Variants in SLF1 observed in about 807,000 individuals in gnomAD.
SLF1 encodes SMC5-SMC6 complex localization factor protein 1.
SLF1 carries 105 observed loss-of-function variants against 123.0 expected under a neutral mutation model. The ratio of observed to expected loss-of-function variants is 0.85; its 90% CI spans 0.73 to 1.00. The LOEUF (loss-of-function observed/expected upper bound fraction) is 1.00. Among genes scored for constraint, SLF1 ranks in the 50% least tolerant of loss-of-function variants. The pLI, the probability that SLF1 is intolerant of heterozygous loss-of-function variation, is 0.00. For missense variants in SLF1, 1,239 were observed against 1,223.0 expected (o/e 1.01, Z -0.20); for synonymous variants, 434 against 406.6 (o/e 1.07, Z -0.81).
Position 94,694,936 on chromosome 5 carries a change from A to T in SLF1, c.2801A>T (p.Asp934Val), listed in dbSNP as rs746253885. ...CTGTTTGCTATTACAAAAATAGAAG[A>T]TACAGTGGAGAACTTTCATGCACAA... ...EELFAITKIE[D>V]TVENFHAQAE... is the part of the protein sequence containing the mutation. The change falls in exon 21 of 21, where the codon GAT becomes GTT. Residue 934 changes from aspartate to valine, a missense_variant. By Grantham distance (152) the Asp-to-Val change is radical. Transcript: ENST00000265140. The T allele has an allele frequency of 6.3e-5, 102 of 1,612,378 alleles. No individual in the cohort carries two copies. Among genetic ancestry groups the T allele is most frequent in the Non-Finnish European group, 8.2e-5 (97 of 1,179,106 alleles).
chr5:94,688,326 T>G (rs1352977035), intron 16 of SLF1, among the ~76,000 whole-genome samples, 180 bp from the exon 17 acceptor site: 1 of 152,168 alleles, frequency 6.6e-6, no homozygotes, highest in Non-Finnish European at 1.5e-5. Flanking sequence ...TCACATGGTA[T>G]TGACTTTGAC....
chr5:94,625,023 A>G (rs1792103852), intron 1 of SLF1, among the ~76,000 whole-genome samples: 1 of 151,034 alleles, frequency 6.6e-6, no homozygotes, highest in Admixed American at 6.6e-5. Flanking sequence ...CATTTCTACT[A>G]AAAAGACAAA....
In SLF1 at chr5:94,654,717, A is replaced by T; in HGVS notation, c.1120A>T (p.Lys374Ter). Residue 374 changes from lysine to a stop codon, truncating the protein, a stop_gained, in exon 9 of 21, where the codon AAA becomes TAA. Coordinates refer to ENST00000265140, the MANE Select transcript of SLF1 (RefSeq NM_032290.4). LOFTEE classifies it high-confidence loss of function. ...GACAGATGTGGATGTTGTTGAAATAAAAAATACCTTAAGGAAGCACATATA... is the reference window on the plus strand; with the variant it reads ...GACAGATGTGGATGTTGTTGAAATATAAAATACCTTAAGGAAGCACATATA... ...IKTDVDVVEI[K>*]NTLRKHIYRA... 1 of 1,543,082 alleles carries T rather than the reference A, an allele frequency of 6.5e-7. No homozygotes were observed. The highest frequency in any genetic ancestry group is 8.8e-7 in the Non-Finnish European group (1 of 1,142,640).
intron 6 of SLF1, among the ~76,000 whole-genome samples, chr5:94,650,077 G>A (rs1422311018): frequency 1.3e-5 from 2 of 152,142 alleles, no homozygotes; most frequent in Non-Finnish European, 2.9e-5. Context: ...CCTCAAGAAA[G>A]CACATATGGT....
intron 14 of SLF1, among the ~76,000 whole-genome samples, chr5:94,673,674 A>G (rs1035579759): frequency 7.0e-6 from 1 of 143,066 alleles, no homozygotes; most frequent in African/African-American, 2.6e-5. Flanking sequence ...TGGGTGACAG[A>G]GTGAGACCTT....
At chr5:94,651,944 G>C in intron 7 of SLF1, 99 bp downstream of exon 7, 1 of 517,652 alleles carries the variant, frequency 1.9e-6, no homozygotes. Flanking sequence ...AATGAGTTAT[G>C]TATCCAATAG....
intron 1 of SLF1, among the ~76,000 whole-genome samples, chr5:94,627,570 A>G (rs1449554101): frequency 7.3e-6 from 1 of 137,628 alleles, no homozygotes; most frequent in Non-Finnish European, 1.5e-5. Context: ...TCTACCTTGT[A>G]AATGATGAAA....
At chr5:94,675,350 T>C (rs1172911303) in intron 14 of SLF1, among the ~76,000 whole-genome samples, 1 of 152,246 alleles carries the variant, frequency 6.6e-6, no homozygotes, top group Admixed American at 6.5e-5. Context: ...ACCTTTTATT[T>C]CTTTGTTAAT....
At chr5:94,670,759 C>G in intron 13 of SLF1, 84 bp from the exon 14 acceptor site, 1 of 977,552 alleles carries the variant, frequency 1.0e-6, no homozygotes. Context: ...AAATTGCTAG[C>G]ATTTTTTTTG....
chr5:94,678,177 C>T (rs373160664), intron 14 of SLF1, among the ~76,000 whole-genome samples: 2 of 152,270 alleles, frequency 1.3e-5, no homozygotes, highest in South Asian at 4.1e-4. Context: ...ACCTCGGCCT[C>T]CCAAAGTGCT....
At chr5:94,623,181 G>A (rs1791945641) in intron 1 of SLF1, among the ~76,000 whole-genome samples, 1 of 151,920 alleles carries the variant, frequency 6.6e-6, no homozygotes, top group East Asian at 1.9e-4. Context: ...TTTTGGACTG[G>A]CACCAACTAC....
At chr5:94,627,585 C>CATACATATATATATAT (rs1744611290) in intron 1 of SLF1, among the ~76,000 whole-genome samples, 1 of 86,824 alleles carries the variant, frequency 1.2e-5, no homozygotes, top group African/African-American at 4.3e-5. Flanking sequence ...ATGAAATTAA[C>CATACATATATATATAT]ATATATATAT....
chr5:94,655,004 C>T (rs1748207939), intron 9 of SLF1, among the ~76,000 whole-genome samples: 1 of 152,158 alleles, frequency 6.6e-6, no homozygotes, highest in African/African-American at 2.4e-5. Context: ...GCCATAAATT[C>T]TTTGCCTACA....
intron 20 of SLF1, among the ~76,000 whole-genome samples, chr5:94,694,482 T>G (rs1052342757): frequency 6.6e-6 from 1 of 151,892 alleles, no homozygotes; most frequent in African/African-American, 2.4e-5. Context: ...TGTATAGAAT[T>G]TATAAGATGA....
intron 15 of SLF1, among the ~76,000 whole-genome samples, chr5:94,684,156 A>G (rs1440609561): frequency 6.6e-6 from 1 of 152,206 alleles, no homozygotes. Context: ...TTTGAACTCT[A>G]CAAGTTATTT....
At chr5:94,666,668 G>A (rs1418499289) in intron 12 of SLF1, among the ~76,000 whole-genome samples, 2 of 151,802 alleles carry the variant, frequency 1.3e-5, no homozygotes, top group African/African-American at 2.4e-5. Flanking sequence ...CATGAGTCTC[G>A]CTCTGTCACC....
chr5:94,646,055 A>G (rs1254187760), intron 5 of SLF1, among the ~76,000 whole-genome samples: 1 of 152,186 alleles, frequency 6.6e-6, no homozygotes, highest in Admixed American at 6.5e-5. Context: ...GTTTGAGACC[A>G]GCCTAAGCAA....
At chr5:94,662,415 TTATTTTG>T in intron 10 of SLF1, 64 bp downstream of exon 10, 4 of 1,374,976 alleles carry the variant, frequency 2.9e-6, no homozygotes, top group Non-Finnish European at 4.0e-6. Flanking sequence ...TTGTTATTAG[TTATTTTG>T]AATAAAAGTA....
chr5:94,678,827 C>T lies in SLF1; in HGVS notation c.1847C>T (p.Ala616Val). ...KSNDVFKHEL[A>V]YLLAGILGAA... ...TGTTAGGTCTTCAAACATGAACTAG[C>T]TTACTTATTGGCTGGAATTCTTGGA... Residue 616 changes from alanine (A) to valine (V), a missense_variant, in exon 15 of 21, where the codon GCT becomes GTT. Coordinates refer to ENST00000265140, the MANE Select transcript of SLF1 (RefSeq NM_032290.4). The T allele has an allele frequency of 6.2e-7, 1 of 1,613,050 alleles. No homozygotes were observed. Among genetic ancestry groups the T allele is most frequent in the Non-Finnish European group, 8.5e-7 (1 of 1,179,336 alleles).
Sources: gnomAD v4.1 joint callset for allele counts (sites outside exome capture counted in the v4.1 genomes callset) on GRCh38, gnomAD v4.1.1 for gene constraint, MANE v1.5 for transcripts, NCBI Gene and HGNC (gene_info 2026-07-23, HGNC 2026-07-21) for gene names.